TLR6: variants seen among roughly 807,000 people sequenced by gnomAD.
The protein encoded by TLR6 is toll like receptor 6, also known as toll-like receptor 6.
TLR6 carries 9 observed loss-of-function variants against 16.1 expected under a neutral mutation model. The ratio of observed to expected loss-of-function variants is 0.56; its 90% CI spans 0.34 to 0.98. The LOEUF (loss-of-function observed/expected upper bound fraction) is 0.98. Among genes scored for constraint, TLR6 ranks in the 50% least tolerant of loss-of-function variants. The pLI, the probability that TLR6 is intolerant of heterozygous loss-of-function variation, is 0.02. For missense variants in TLR6, 786 were observed against 921.0 expected (o/e 0.85, Z 1.90); for synonymous variants, 340 against 338.6 (o/e 1.00, Z -0.04).
chr4:38,833,366 CA>C (rs1711726456), intron 1 of TLR6, among the ~76,000 whole-genome samples: 1 of 152,236 alleles, frequency 6.6e-6, no homozygotes, highest in South Asian at 2.1e-4. Flanking sequence ...TCCCCATCCC[CA>C]GCAAAGCCTT....
chr4:38,850,729 C>A (rs1712737085), intron 1 of TLR6, among the ~76,000 whole-genome samples: 1 of 152,122 alleles, frequency 6.6e-6, no homozygotes, highest in African/African-American at 2.4e-5. Context: ...GAAATTGAGG[C>A]AATAATTAAT....
chr4:38,843,119 A>G (rs1385964300), intron 1 of TLR6, among the ~76,000 whole-genome samples: 3 of 152,236 alleles, frequency 2.0e-5, no homozygotes, highest in Non-Finnish European at 4.4e-5. Flanking sequence ...ACAACACATT[A>G]TAGACATTGA....
At chr4:38,853,434 A>G (rs1004515467) in intron 1 of TLR6, among the ~76,000 whole-genome samples, 1 of 152,172 alleles carries the variant, frequency 6.6e-6, no homozygotes, top group Admixed American at 6.5e-5. Context: ...AACCACTGTA[A>G]TAAAGAAAAA....
In TLR6 at chr4:38,842,029, GA is replaced by G. The variant is rs1712288139; in HGVS notation, c.-64-12493del. Among the ~76,000 whole-genome samples the G allele has an allele frequency of 2.6e-5, 4 of 151,878 alleles. No individual in the cohort carries two copies. The South Asian group carries it at 8.3e-4, about 32-fold the overall frequency. ...TTCAGAATTATATTTTCAGGATTTT[GA>G]TCTTCCAGGATTTCAACATTCAGGA... On this transcript the variant is annotated intron_variant, in intron 1 of 1. Coordinates refer to ENST00000436693, the Ensembl canonical transcript of TLR6.
At chr4:38,836,939 CA>C (rs61331167) in intron 1 of TLR6, among the ~76,000 whole-genome samples, 27,022 of 92,428 alleles carry the variant, frequency 0.29, 2,316 homozygotes, top group Middle Eastern at 0.5. Flanking sequence ...GACTCAGTCT[CA>C]AAAAAAAAAA....
At position 38,829,147 on chromosome 4, in the gene TLR6, ATGAGATAAATCCAAATATTC is replaced by A. The variant is rs747216447; in HGVS notation, c.307_326del (p.Glu103Ter). 1 of 1,614,172 alleles carries A rather than the reference ATGAGATAAATCCAAATATTC, an allele frequency of 6.2e-7. No homozygotes were observed. The highest frequency in any genetic ancestry group is 8.5e-7 in the Non-Finnish European group (1 of 1,180,010). On this transcript the variant is annotated frameshift_variant, in exon 2 of 2. Transcript: ENST00000436693. LOFTEE classifies it low-confidence loss of function (END_TRUNC). ...GGCAGGATATCTTTTGCAACTGATTATGAGATAAATCCAAATATTCTAAATCCTGGTTGAACTTGAAAACA... is the reference window on the plus strand; with the variant it reads ...GGCAGGATATCTTTTGCAACTGATTATAAATCCTGGTTGAACTTGAAAACA...
chr4:38,847,605 G>A (rs7699414), intron 1 of TLR6, among the ~76,000 whole-genome samples: 37,361 of 151,982 alleles, frequency 0.25, 5,069 homozygotes, highest in Non-Finnish European at 0.28. Flanking sequence ...CTTTTCCAAC[G>A]GTCTTAGCAA....
In TLR6 at chr4:38,827,124, T is replaced by G. The variant is rs1455582553; in HGVS notation, c.2350A>C (p.Lys784Gln). 3 of 1,603,952 alleles carry G rather than the reference T, an allele frequency of 1.9e-6. No individual in the cohort carries two copies. In the South Asian group the frequency reaches 3.4e-5, roughly 18 times the overall value. Residue 784 changes from lysine to glutamine, a missense_variant, in exon 2 of 2, where the codon AAA (lysine) becomes CAA (glutamine). By Grantham distance (53) the Lys-to-Gln change is moderately conservative. Coordinates refer to ENST00000436693, the Ensembl canonical transcript of TLR6. Reference sequence around the variant, plus strand: ...TTGTTTTCAGTGACTAGTGTTAATTTCATATTAAAAGCGGCTCTAATGTTA... The same window carrying G: ...TTGTTTTCAGTGACTAGTGTTAATTGCATATTAAAAGCGGCTCTAATGTTA...
intron 1 of TLR6, among the ~76,000 whole-genome samples, chr4:38,842,993 GA>G (rs1712354717): frequency 6.6e-6 from 1 of 152,090 alleles, no homozygotes. Context: ...ATGATAATCT[GA>G]AAACATCAAG....
intron 1 of TLR6, among the ~76,000 whole-genome samples, chr4:38,844,398 G>C (rs1847479): frequency 0.25 from 37,347 of 152,080 alleles, 5,064 homozygotes; most frequent in Non-Finnish European, 0.28. Context: ...GATAAGAACA[G>C]TTATGCAGCA....
At chr4:38,858,643 C>T (rs1172769146), upstream of TLR6, among the ~76,000 whole-genome samples, 1 of 151,454 alleles carries the variant, frequency 6.6e-6, no homozygotes, top group Non-Finnish European at 1.5e-5. Context: ...TCATTGGAAC[C>T]CAGGAGGCAG....
At chr4:38,827,496 A>G (rs1560261437) in exon 2 of TLR6, 1 of 1,614,216 alleles carries the variant, frequency 6.2e-7, no homozygotes, top group Admixed American at 1.7e-5. Flanking sequence ...TAAGGTACCA[A>G]TTCACTTTTC....
At chr4:38,832,962 C>T (rs1488439944) in intron 1 of TLR6, among the ~76,000 whole-genome samples, 2 of 152,174 alleles carry the variant, frequency 1.3e-5, no homozygotes, top group Admixed American at 1.3e-4. Context: ...CTCCAAGGGG[C>T]CTGAGGACAG....
intron 1 of TLR6, among the ~76,000 whole-genome samples, chr4:38,848,719 A>C (rs1160611714): frequency 6.6e-6 from 1 of 152,236 alleles, no homozygotes; most frequent in Non-Finnish European, 1.5e-5. Context: ...TGAGAAGAGA[A>C]GTTTAGAGGA....
intron 1 of TLR6, among the ~76,000 whole-genome samples, chr4:38,833,182 G>T (rs180705993): frequency 6.6e-6 from 1 of 152,286 alleles, no homozygotes; most frequent in Non-Finnish European, 1.5e-5. Context: ...AGGGGCCCAA[G>T]AACCTGCCCT....
intron 1 of TLR6, among the ~76,000 whole-genome samples, chr4:38,845,672 A>T (rs949652297): frequency 7.2e-5 from 11 of 152,268 alleles, no homozygotes; most frequent in African/African-American, 2.7e-4. Flanking sequence ...CAGCCTTGCC[A>T]GTCCCTTGAT....
rs1376843842 is a variant in TLR6 at position 38,852,477 on chromosome 4, C to G, written c.-65+4284G>C. 4.6e-5 allele frequency among the ~76,000 whole-genome samples: 7 copies of G among 152,294 alleles called. No homozygotes were observed. The East Asian group carries it at 1.3e-3, about 29-fold the overall frequency. On this transcript the variant is annotated intron_variant, in intron 1 of 1. Coordinates refer to ENST00000436693, the Ensembl canonical transcript of TLR6. ...AATGGGAGAAAATTTTTGCAATCTA[C>G]TCATCCAACAAAGGGCTAATATCCA... is the stretch of plus-strand genomic sequence containing the variant.
At chr4:38,858,815 G>A (rs1464225004), upstream of TLR6, among the ~76,000 whole-genome samples, 61 of 90,780 alleles carry the variant, frequency 6.7e-4, 1 homozygote, top group East Asian at 4.1e-3. Flanking sequence ...GAGAGAGAGG[G>A]AGAGAGAGAG....
At chr4:38,836,824 C>A (rs1187346033) in intron 1 of TLR6, among the ~76,000 whole-genome samples, 1 of 151,692 alleles carries the variant, frequency 6.6e-6, no homozygotes, top group Non-Finnish European at 1.5e-5. Flanking sequence ...CCTGGAATCC[C>A]AGCTACTCAG....
Sources: gnomAD v4.1 joint callset for allele counts (sites outside exome capture counted in the v4.1 genomes callset) on GRCh38, gnomAD v4.1.1 for gene constraint, MANE v1.5 for transcripts, NCBI Gene and HGNC (gene_info 2026-07-23, HGNC 2026-07-21) for gene names.